The following AGL variants were observed in gnomAD, a reference collection of about 807,000 sequenced individuals.
AGL encodes amylo-alpha-1,6-glucosidase and 4-alpha-glucanotransferase, also known as glycogen debranching enzyme.
Under a neutral mutation model 199.3 loss-of-function variants are expected in AGL, and 128 were observed. The observed-to-expected ratio is 0.64, with a 90% CI of 0.56 to 0.74. AGL has a LOEUF of 0.74. Among genes scored for constraint, AGL ranks in the 30% least tolerant of loss-of-function variants. The pLI is 0.00. For missense variants in AGL, 1,809 were observed against 1,820.8 expected, an observed-to-expected ratio of 0.99 and a Z score of 0.12; for synonymous variants, 584 against 594.7, an observed-to-expected ratio of 0.98 and a Z score of 0.26.
chr1:99,849,941 T>C (rs1648796905), upstream of AGL: 1 of 152,300 alleles, frequency 6.6e-6, no homozygotes, highest in Admixed American at 6.5e-5. Context: ...CCTTGGCCGG[T>C]GCACCTTCCC....
At chr1:99,856,015 T>G (rs1649386420) in intron 2 of AGL, among the ~76,000 whole-genome samples, 1 of 152,174 alleles carries the variant, frequency 6.6e-6, no homozygotes, top group South Asian at 2.1e-4. Context: ...AATCACTCAT[T>G]ATGCTAGTTG....
intron 2 of AGL, among the ~76,000 whole-genome samples, chr1:99,851,362 G>A (rs1423225021): frequency 2.6e-5 from 4 of 152,054 alleles, no homozygotes; most frequent in African/African-American, 4.8e-5. Context: ...TTTTCTCTGC[G>A]TACTAATTCC....
rs750332432 is a variant in AGL at position 99,900,879 on chromosome 1, A to C, written c.3588+18A>C. 3 of 1,554,788 alleles carry C rather than the reference A, an allele frequency of 1.9e-6. No individual in the cohort carries two copies. The highest frequency in any genetic ancestry group is 2.6e-6 in the Non-Finnish European group (3 of 1,143,282). On this transcript the variant is annotated intron_variant, in intron 26 of 33. Transcript: ENST00000361915. ...GCACACTGGTAAAGATATTTCTTAAAATGTTTTTTTGTTTTTTTTTTTTTT... is the reference window on the plus strand; with the variant it reads ...GCACACTGGTAAAGATATTTCTTAACATGTTTTTTTGTTTTTTTTTTTTTT...
At chr1:99,903,991 G>A (rs6691199) in intron 27 of AGL, among the ~76,000 whole-genome samples, 6,655 of 152,138 alleles carry the variant, frequency 0.044, 171 homozygotes, top group African/African-American at 0.05. Flanking sequence ...TGAGTTCTTT[G>A]TAGATTCTGG....
intron 14 of AGL, 137 bp downstream of exon 14, chr1:99,880,932 T>C: frequency 7.8e-7 from 1 of 1,279,438 alleles, no homozygotes; most frequent in Non-Finnish European, 1.1e-6. Flanking sequence ...TACATAGTTT[T>C]CAGAATGTTT....
intron 24 of AGL, 79 bp from the exon 25 acceptor site, chr1:99,896,207 T>C: frequency 8.1e-7 from 1 of 1,241,574 alleles, no homozygotes; most frequent in Non-Finnish European, 1.2e-6. Context: ...TTAGAGTAAC[T>C]GTTCTATAGT....
rs557687705 is a variant in AGL at position 99,901,011 on chromosome 1, T to C, written c.3588+150T>C. ...ATTGATTTGGCACCTGCTGGTACTATAAGTGATTGGTCTTTGCCTGAAGAA... is the reference window on the plus strand; with the variant it reads ...ATTGATTTGGCACCTGCTGGTACTACAAGTGATTGGTCTTTGCCTGAAGAA... On this transcript the variant is annotated intron_variant, in intron 26 of 33. Transcript: ENST00000361915. 4.0e-6 allele frequency: 3 copies of C among 752,954 alleles called. No homozygotes were observed. In the East Asian group the frequency reaches 8.0e-5, roughly 20 times the overall value. The allele number at this position is 752,954 out of a possible 1,614,324, so 46.6% of individuals were successfully genotyped here.
At chr1:99,889,561 CAG>C (rs1166024500) in intron 21 of AGL, among the ~76,000 whole-genome samples, 4 of 151,932 alleles carry the variant, frequency 2.6e-5, no homozygotes, top group African/African-American at 9.7e-5. Flanking sequence ...GCCTGGGTGA[CAG>C]AGTGAGACTG....
In AGL at chr1:99,921,884, A is replaced by G. The variant is rs1331787480; in HGVS notation, c.*233A>G. On this transcript the variant is annotated 3_prime_UTR_variant, in exon 34 of 34. Transcript: ENST00000361915. ...CAATGAAATGTGTTTGAGTTCAGTA[A>G]GAATTATTCAAATGCCTAGAAATCC... The G allele has an allele frequency of 6.3e-6, 2 of 319,804 alleles. No homozygotes were observed. The highest frequency in any genetic ancestry group is 4.3e-5 in the African/African-American group (2 of 46,634). The allele number at this position is 319,804 out of a possible 1,614,324, so 19.8% of individuals were successfully genotyped here. A position where few individuals can be genotyped will look rare whatever the true frequency, so the allele number is the denominator to read the frequency against.
At chr1:99,885,119 T>C (rs1451718527) in intron 20 of AGL, among the ~76,000 whole-genome samples, 2 of 152,226 alleles carry the variant, frequency 1.3e-5, no homozygotes, top group African/African-American at 2.4e-5. Flanking sequence ...TCTAGATTGC[T>C]TCTAATTGTT....
intron 20 of AGL, 108 bp downstream of exon 20, chr1:99,884,811 G>A (rs983113006): frequency 5.8e-6 from 8 of 1,377,742 alleles, no homozygotes; most frequent in Admixed American, 3.4e-5. Flanking sequence ...CTCAAAGTAC[G>A]GTCCAAGGAC....
intron 32 of AGL, 41 bp from the exon 33 acceptor site, chr1:99,916,557 G>C (rs1390956712): frequency 6.2e-7 from 1 of 1,607,830 alleles, no homozygotes; most frequent in African/African-American, 1.3e-5. Context: ...TAATTTTTAG[G>C]TATTTATGGT....
At chr1:99,852,536 ATTTTTTTT>A in intron 2 of AGL, 1 of 477,486 alleles carries the variant, frequency 2.1e-6, no homozygotes, top group Non-Finnish European at 3.7e-6. Context: ...TGCCCCGCTA[ATTTTTTTT>A]TTTTTTTTTT....
intron 11 of AGL, among the ~76,000 whole-genome samples, chr1:99,877,299 A>G (rs780131703): frequency 2.6e-5 from 4 of 152,134 alleles, no homozygotes; most frequent in Admixed American, 6.6e-5. Context: ...GAAAATAAGT[A>G]GGAGGGTGGA....
chr1:99,873,538 G>A (rs144012463), intron 7 of AGL, among the ~76,000 whole-genome samples: 1,940 of 151,480 alleles, frequency 0.013, 23 homozygotes, highest in Middle Eastern at 0.054. Context: ...GGGTTCAAGC[G>A]ATTCTCCTGC....
chr1:99,849,483 A>C (rs1648738816), upstream of AGL, among the ~76,000 whole-genome samples: 1 of 152,152 alleles, frequency 6.6e-6, no homozygotes, highest in Non-Finnish European at 1.5e-5. Flanking sequence ...ACATAAGTGC[A>C]GCTTAATCTC....
rs879569739 is a variant in AGL, at chr1:99,865,165, A to AT, written c.664+576_664+577insT. 4.6e-3 allele frequency among the ~76,000 whole-genome samples: 687 copies of AT among 150,972 alleles called. 3 individuals are homozygous for AT. The highest frequency in any genetic ancestry group is 0.015 in the East Asian group (79 of 5,140). Reference sequence around the variant, plus strand: ...TCAGATAAAAAAACACAAAATATCAAAATATATATATATATAGGGTTTCAT... The same window carrying AT: ...TCAGATAAAAAAACACAAAATATCAATAATATATATATATATAGGGTTTCAT... On this transcript the variant is annotated intron_variant, in intron 5 of 33. Transcript: ENST00000361915.
rs1651661529 is a variant in AGL, at chr1:99,877,679, G to A, written c.1462G>A (p.Gly488Arg). The A allele has an allele frequency of 1.2e-6, 2 of 1,613,956 alleles. No homozygotes were observed. The highest frequency in any genetic ancestry group is 1.7e-6 in the Non-Finnish European group (2 of 1,179,968). ...VYLRRELICW[G>R]DSVKLRYGNK... is the part of the protein sequence containing the mutation. Reference sequence around the variant, plus strand: ...CCTAAGGAGAGAACTTATTTGCTGGGGAGACAGTGTTAAATTACGCTATGG... The same window carrying A: ...CCTAAGGAGAGAACTTATTTGCTGGAGAGACAGTGTTAAATTACGCTATGG... The change falls in exon 12 of 34, where the codon GGA (glycine) becomes AGA (arginine). Residue 488 changes from glycine (G) to arginine (R), a missense_variant. Transcript: ENST00000361915.
intron 30 of AGL, among the ~76,000 whole-genome samples, chr1:99,914,731 T>C (rs914836744): frequency 6.6e-6 from 1 of 152,176 alleles, no homozygotes; most frequent in Admixed American, 6.6e-5. Flanking sequence ...GGGTATCAGA[T>C]GTACTTAAAG....
Sources: gnomAD v4.1 joint callset for allele counts (sites outside exome capture counted in the v4.1 genomes callset) on GRCh38, gnomAD v4.1.1 for gene constraint, MANE v1.5 for transcripts, NCBI Gene and HGNC (gene_info 2026-07-23, HGNC 2026-07-21) for gene names.